The following CPEB1 variants were observed in gnomAD, a reference collection of about 807,000 sequenced individuals.
CPEB1 encodes cytoplasmic polyadenylation element-binding protein 1.
Under a neutral mutation model 65.8 loss-of-function variants are expected in CPEB1, and 7 were observed. That is an observed-to-expected ratio of 0.11 (90% CI 0.06 to 0.20). The LOEUF is 0.20. Ranked by LOEUF, CPEB1 falls within the 10% of genes least tolerant of loss-of-function variation. The pLI is 1.00. For missense variants in CPEB1, 551 were observed against 712.2 expected (o/e 0.77, Z 2.58); for synonymous variants, 262 against 260.0 (o/e 1.01, Z -0.08).
intron 3 of CPEB1, among the ~76,000 whole-genome samples, chr15:82,593,424 A>G (rs987047654): frequency 2.0e-5 from 3 of 152,210 alleles, no homozygotes; most frequent in Admixed American, 6.5e-5. Context: ...AAGTTTTATC[A>G]TGAGATTGCA....
intron 4 of CPEB1, among the ~76,000 whole-genome samples, chr15:82,567,605 C>T (rs919569824): frequency 2.6e-5 from 4 of 151,218 alleles, no homozygotes; most frequent in African/African-American, 9.7e-5. Context: ...CACTGTACTC[C>T]AGCTTGGTCG....
Position 82,544,473 on chromosome 15 carries a change from A to G in CPEB1, c.*119T>C. The G allele has an allele frequency of 1.5e-6, 1 of 663,736 alleles. No individual in the cohort carries two copies. 41.1% of individuals were successfully genotyped at this position (663,736 alleles called of 1,614,324 possible). A position where few individuals can be genotyped will look rare whatever the true frequency, so the allele number is the denominator to read the frequency against. On this transcript the variant is annotated 3_prime_UTR_variant, in exon 13 of 13. Transcript: ENST00000684509. The stretch of plus-strand genomic sequence containing the variant: ...AGATTCAGCAAGTGCAAAGGTGACT[A>G]CAATTTTCCCTTGTCCTTGGGAAGC...
At chr15:82,601,691 GA>G (rs2043130986) in intron 3 of CPEB1, among the ~76,000 whole-genome samples, 1 of 152,110 alleles carries the variant, frequency 6.6e-6, no homozygotes, top group Non-Finnish European at 1.5e-5. Flanking sequence ...AAAAACATGA[GA>G]AAAGATATGC....
At chr15:82,580,345 A>C (rs376851620) in intron 3 of CPEB1, among the ~76,000 whole-genome samples, 1 of 151,928 alleles carries the variant, frequency 6.6e-6, no homozygotes, top group African/African-American at 2.4e-5. Flanking sequence ...GAAGAAGAAG[A>C]AAAAAGAAAT....
At chr15:82,607,162 A>G (rs200812060) in intron 3 of CPEB1, among the ~76,000 whole-genome samples, 2 of 151,400 alleles carry the variant, frequency 1.3e-5, no homozygotes, top group South Asian at 2.1e-4. Flanking sequence ...TGGCAGGTGT[A>G]TATCTTATCA....
chr15:82,644,693 A>G (rs1446350508), intron 1 of CPEB1, among the ~76,000 whole-genome samples: 5 of 152,094 alleles, frequency 3.3e-5, no homozygotes, highest in East Asian at 1.9e-4. Flanking sequence ...AGAGGCACAT[A>G]CTCTGTAGTT....
intron 3 of CPEB1, among the ~76,000 whole-genome samples, chr15:82,597,286 G>A (rs1020246302): frequency 1.3e-5 from 2 of 152,228 alleles, no homozygotes; most frequent in African/African-American, 2.4e-5. Context: ...TGATCAAAAT[G>A]TAGCAGGATT....
chr15:82,554,638 T>C (rs1424502983), intron 6 of CPEB1, among the ~76,000 whole-genome samples: 1 of 152,242 alleles, frequency 6.6e-6, no homozygotes, highest in Admixed American at 6.5e-5. Flanking sequence ...CTGTCCCCAC[T>C]GTTTGTACCT....
chr15:82,547,573 C>T (rs560295615), intron 10 of CPEB1, among the ~76,000 whole-genome samples: 26 of 152,062 alleles, frequency 1.7e-4, no homozygotes, highest in African/African-American at 6.3e-4. Flanking sequence ...GGATTACAGG[C>T]GTGAGCCACC....
At chr15:82,642,736 C>T (rs2047209223) in intron 1 of CPEB1, among the ~76,000 whole-genome samples, 1 of 152,164 alleles carries the variant, frequency 6.6e-6, no homozygotes, top group Non-Finnish European at 1.5e-5. Flanking sequence ...TCCCCAGAGT[C>T]AGTACAGTTT....
rs369595604 is a variant in CPEB1 at position 82,627,175 on chromosome 15, T to A, written c.271+18A>T. On this transcript the variant is annotated intron_variant, in intron 3 of 12. Coordinates refer to ENST00000684509, the MANE Select transcript of CPEB1 (RefSeq NM_001365242.1). ...TGTACAGATGCCTACCACGTTCAAG[T>A]TTTCAAACCTAAATCACCTGGCAAA... 224 of 1,604,560 alleles carry A rather than the reference T, an allele frequency of 1.4e-4. 1 individual carries two copies. The highest frequency in any genetic ancestry group is 1.3e-3 in the Middle Eastern group (8 of 6,030).
chr15:82,625,847 A>G (rs544155895), intron 3 of CPEB1, among the ~76,000 whole-genome samples: 45 of 152,326 alleles, frequency 3.0e-4, no homozygotes, highest in African/African-American at 1.0e-3. Flanking sequence ...GGCCAGGCAC[A>G]GTGGCTCGTG....
In CPEB1 at chr15:82,577,634, C is replaced by A. The variant is rs575423363; in HGVS notation, c.272-6102G>T. On this transcript the variant is annotated intron_variant, in intron 3 of 12. Coordinates refer to ENST00000684509, the MANE Select transcript of CPEB1 (RefSeq NM_001365242.1). ...GGTTTAAGAGATTTTCCTACCTCAGCCTCCCAAGTAGCTGGGACTACAGGT... is the reference window on the plus strand; with the variant it reads ...GGTTTAAGAGATTTTCCTACCTCAGACTCCCAAGTAGCTGGGACTACAGGT... Among the ~76,000 whole-genome samples, 7 of 152,230 alleles carry A rather than the reference C, an allele frequency of 4.6e-5. No homozygotes were observed. In the East Asian group the frequency reaches 1.2e-3, roughly 25 times the overall value.
intron 3 of CPEB1, among the ~76,000 whole-genome samples, chr15:82,575,943 C>T (rs1470356363): frequency 6.6e-6 from 1 of 152,154 alleles, no homozygotes; most frequent in Non-Finnish European, 1.5e-5. Context: ...ACAACTAACA[C>T]ATATTATCTT....
Position 82,557,778 on chromosome 15 carries a change from A to C in CPEB1, c.669T>G (p.Asp223Glu). ...SDTSGFSSGS[D>E]HLSDLISSLR... is the part of the protein sequence containing the mutation. ...TACATACAATCAAATCTGAGAGATG[A>C]TCTGATCCAGAGCTGAAGCCACTGG... Residue 223 changes from aspartate (D) to glutamate (E), a missense_variant, in exon 5 of 13, where the codon GAT becomes GAG. Physicochemically the swap from Asp to Glu is conservative, Grantham distance 45. This residue lies in a region of CPEB1 where 128 missense variants were observed against 129.1 expected (regional missense o/e 0.99). Coordinates refer to ENST00000684509, the MANE Select transcript of CPEB1 (RefSeq NM_001365242.1). 6.2e-7 allele frequency: 1 copy of C among 1,614,032 alleles called. No homozygotes were observed. Among genetic ancestry groups the C allele is most frequent in the Non-Finnish European group, 8.5e-7 (1 of 1,179,960 alleles).
chr15:82,630,077 G>C, intron 1 of CPEB1: 1 of 985,364 alleles, frequency 1.0e-6, no homozygotes, highest in Non-Finnish European at 1.2e-6. Flanking sequence ...ATTTCAGGAA[G>C]GCAACTTCAT....
At chr15:82,633,767 G>T (rs1309269904) in intron 1 of CPEB1, among the ~76,000 whole-genome samples, 6 of 152,198 alleles carry the variant, frequency 3.9e-5, no homozygotes, top group Non-Finnish European at 8.8e-5. Context: ...CTATAGCCAT[G>T]ATCATCAACT....
intron 4 of CPEB1, among the ~76,000 whole-genome samples, chr15:82,567,876 G>A (rs2039414092): frequency 6.6e-6 from 1 of 152,102 alleles, no homozygotes; most frequent in Admixed American, 6.5e-5. Flanking sequence ...GAGTCGCAAG[G>A]GGGAAGGCAG....
At chr15:82,610,958 C>CAAAAAAAAAAAAAAAAAAAAAAAAAAAA (rs60065545) in intron 3 of CPEB1, among the ~76,000 whole-genome samples, 3 of 30,020 alleles carry the variant, frequency 1.0e-4, no homozygotes, top group Non-Finnish European at 1.7e-4. Context: ...ACTCCAGTCT[C>CAAAAAAAAAAAAAAAAAAAAAAAAAAAA]AAAAAAAAAA....
Sources: gnomAD v4.1 joint callset for allele counts (sites outside exome capture counted in the v4.1 genomes callset) on GRCh38, gnomAD v4.1.1 for gene constraint, gnomAD v4.1.1 regional missense constraint, MANE v1.5 for transcripts, NCBI Gene and HGNC (gene_info 2026-07-23, HGNC 2026-07-21) for gene names.